The following CEP162 variants were observed in gnomAD, a reference collection of about 807,000 sequenced individuals.
CEP162 encodes centrosomal protein of 162 kDa.
Under a neutral mutation model 169.2 loss-of-function variants are expected in CEP162, and 141 were observed. The ratio of observed to expected loss-of-function variants is 0.83; its 90% CI spans 0.73 to 0.96. The LOEUF (loss-of-function observed/expected upper bound fraction) is 0.96. Ranked by LOEUF, CEP162 falls within the 40% of genes least tolerant of loss-of-function variation. The pLI is 0.00. For synonymous variants in CEP162, 540 were observed against 526.4 expected (o/e 1.03, Z -0.35); for missense variants, 1,600 against 1,587.2 (o/e 1.01, Z -0.14).
At chr6:84,210,716 G>A (rs2099549109) in intron 6 of CEP162, among the ~76,000 whole-genome samples, 2 of 152,158 alleles carry the variant, frequency 1.3e-5, no homozygotes, top group South Asian at 4.1e-4. Flanking sequence ...AATGAGCCAA[G>A]AACAAGTGGG....
chr6:84,175,187 T>C (rs1480355546), intron 14 of CEP162, 27 bp downstream of exon 14: 3 of 1,417,862 alleles, frequency 2.1e-6, no homozygotes, highest in Admixed American at 2.4e-5. Flanking sequence ...ACATAAAACA[T>C]TATGATTATT....
At chr6:84,158,918 T>C (rs1023703023) in intron 21 of CEP162, among the ~76,000 whole-genome samples, 1 of 151,746 alleles carries the variant, frequency 6.6e-6, no homozygotes, top group African/African-American at 2.4e-5. Flanking sequence ...GTATACAAAG[T>C]AAATTTTTTT....
rs201038891 is a variant in CEP162, at chr6:84,146,725, C to A, written c.3832G>T (p.Val1278Leu). 132 of 1,581,914 alleles carry A rather than the reference C, an allele frequency of 8.3e-5. 1 individual carries two copies. In the Admixed American group the frequency reaches 2.4e-3, roughly 28 times the overall value. ...NELQSKQESL[V>L]VSEVREEILQ... Reference sequence around the variant, plus strand: ...ATTTCTTCTCGAACTTCAGAAACTACGAGAGACTCTTGTTTACTCTGCAGC... The same window carrying A: ...ATTTCTTCTCGAACTTCAGAAACTAAGAGAGACTCTTGTTTACTCTGCAGC... The change falls in exon 25 of 27, where the codon GTA becomes TTA. Residue 1278 changes from valine (V) to leucine (L), a missense_variant. Coordinates refer to ENST00000403245, the MANE Select transcript of CEP162 (RefSeq NM_014895.4).
At chr6:84,137,192 T>G (rs2099514507) in intron 25 of CEP162, among the ~76,000 whole-genome samples, 1 of 152,246 alleles carries the variant, frequency 6.6e-6, no homozygotes, top group Non-Finnish European at 1.5e-5. Context: ...GAGAATGACT[T>G]GCATTGAAGA....
At chr6:84,209,620 C>A (rs1392117894) in intron 6 of CEP162, among the ~76,000 whole-genome samples, 1 of 152,124 alleles carries the variant, frequency 6.6e-6, no homozygotes, top group Non-Finnish European at 1.5e-5. Context: ...GGTGATCCAC[C>A]CGCCTTGGCC....
chr6:84,190,572 G>A (rs1426739954), intron 11 of CEP162, among the ~76,000 whole-genome samples: 1 of 152,008 alleles, frequency 6.6e-6, no homozygotes, highest in African/African-American at 2.4e-5. Context: ...CCCACCGGGA[G>A]GGAACGAACA....
chr6:84,204,607 A>G (rs1394268415), intron 6 of CEP162, among the ~76,000 whole-genome samples: 1 of 152,244 alleles, frequency 6.6e-6, no homozygotes. Flanking sequence ...ATAGCACTAA[A>G]TGCCCACAAG....
chr6:84,204,763 C>T (rs143765044), intron 6 of CEP162, among the ~76,000 whole-genome samples: 1,532 of 152,170 alleles, frequency 0.01, 20 homozygotes, highest in African/African-American at 0.035. Flanking sequence ...ACACAAAAAA[C>T]GCTTCAAAAA....
rs371425041 is a variant in CEP162, at chr6:84,185,383, C to A, written c.1467G>T (p.Lys489Asn). The change falls in exon 13 of 27, where the codon AAG becomes AAT. Residue 489 changes from lysine (K) to asparagine (N), a missense_variant. By Grantham distance (94) the Lys-to-Asn change is moderately conservative. Transcript: ENST00000403245. ...GAVMGKQVPY[K>N]KARSAPPLLK... is the part of the protein sequence containing the mutation. ...GTAAAGGAGGTGCACTTCTGGCCTTCTTGTATGGTACCTGTTTACCCATTA... is the reference window on the plus strand; with the variant it reads ...GTAAAGGAGGTGCACTTCTGGCCTTATTGTATGGTACCTGTTTACCCATTA... The A allele has an allele frequency of 1.4e-5, 23 of 1,613,586 alleles. No individual in the cohort carries two copies. The highest frequency in any genetic ancestry group is 1.9e-5 in the Non-Finnish European group (23 of 1,179,592).
At chr6:84,158,029 T>C (rs2099523933) in intron 21 of CEP162, among the ~76,000 whole-genome samples, 1 of 152,214 alleles carries the variant, frequency 6.6e-6, no homozygotes, top group Non-Finnish European at 1.5e-5. Flanking sequence ...ACATATTATA[T>C]AATGAAAGAA....
chr6:84,169,723 G>A (rs576329836), intron 17 of CEP162, among the ~76,000 whole-genome samples: 5 of 152,018 alleles, frequency 3.3e-5, no homozygotes, highest in African/African-American at 9.6e-5. Flanking sequence ...AAAATTAATC[G>A]TCTACAAAGA....
intron 25 of CEP162, among the ~76,000 whole-genome samples, chr6:84,134,153 G>C (rs2099512856): frequency 6.6e-6 from 1 of 152,194 alleles, no homozygotes; most frequent in Admixed American, 6.5e-5. Flanking sequence ...CTTTGTTTAT[G>C]CTATGAGGGG....
At chr6:84,219,279 C>G (rs562027787) in intron 3 of CEP162, 4 of 624,244 alleles carry the variant, frequency 6.4e-6, no homozygotes, top group Non-Finnish European at 1.1e-5. Context: ...AGGTTATTCC[C>G]GTGGGCAGGG....
Position 84,226,383 on chromosome 6 carries a change from C to G in CEP162, c.11G>C (p.Cys4Ser), listed in dbSNP as rs1453344275. 23 of 1,569,022 alleles carry G rather than the reference C, an allele frequency of 1.5e-5. No individual in the cohort carries two copies. The highest frequency in any genetic ancestry group is 1.8e-5 in the Non-Finnish European group (21 of 1,154,296). MAN[C>S]SQEELDEEFE... ...CTCTTCATCTAGCTCTTCTTGGGAACAGTTAGCCATAGTCAACAATTTTGA... is the reference window on the plus strand; with the variant it reads ...CTCTTCATCTAGCTCTTCTTGGGAAGAGTTAGCCATAGTCAACAATTTTGA... Residue 4 changes from cysteine to serine, a missense_variant, in exon 2 of 27, where the codon TGT becomes TCT. Transcript: ENST00000403245.
At chr6:84,140,237 A>G (rs1239365092) in intron 25 of CEP162, among the ~76,000 whole-genome samples, 5 of 152,126 alleles carry the variant, frequency 3.3e-5, no homozygotes, top group Non-Finnish European at 7.3e-5. Flanking sequence ...GCAGTCCATT[A>G]GGAGCCTTTG....
At chr6:84,219,048 G>T in intron 3 of CEP162, 1 of 496,448 alleles carries the variant, frequency 2.0e-6, no homozygotes. Flanking sequence ...ATGGCAACTG[G>T]GAAACAAGCA....
At chr6:84,203,935 G>T (rs928474718) in intron 7 of CEP162, 46 bp downstream of exon 7, 3 of 1,171,612 alleles carry the variant, frequency 2.6e-6, no homozygotes, top group African/African-American at 1.6e-5. Flanking sequence ...CAGCCAGGTT[G>T]AGAAAAAAGT....
At chr6:84,176,443 A>G (rs1475155758) in intron 13 of CEP162, among the ~76,000 whole-genome samples, 1 of 152,210 alleles carries the variant, frequency 6.6e-6, no homozygotes, top group African/African-American at 2.4e-5. Context: ...TTGTAAGAGC[A>G]GGCTTTCAAA....
At position 84,149,421 on chromosome 6, in the gene CEP162, T is replaced by C. The variant is rs111871149; in HGVS notation, c.3771+141A>G. The stretch of plus-strand genomic sequence containing the variant: ...AGTATTATCTTCTTTAAAAAAGAAA[T>C]CAAGCCAATAATAGTTTCCCATTTC... On this transcript the variant is annotated intron_variant, in intron 24 of 26. Transcript: ENST00000403245. 2.6e-3 allele frequency: 1,226 copies of C among 476,322 alleles called. 9 individuals carry two copies. The highest frequency in any genetic ancestry group is 0.023 in the African/African-American group (1,137 of 50,248). The allele number at this position is 476,322 out of a possible 1,614,324, so 29.5% of individuals were successfully genotyped here.
Sources: gnomAD v4.1 joint callset for allele counts (sites outside exome capture counted in the v4.1 genomes callset) on GRCh38, gnomAD v4.1.1 for gene constraint, MANE v1.5 for transcripts, NCBI Gene and HGNC (gene_info 2026-07-23, HGNC 2026-07-21) for gene names.